Variants in RPS6KC1 observed in about 807,000 individuals in gnomAD.
The protein encoded by RPS6KC1 is inactive ribosomal protein S6 kinase delta-1.
RPS6KC1 carries 54 observed loss-of-function variants against 103.8 expected under a neutral mutation model. The observed-to-expected ratio is 0.52, with a 90% CI of 0.42 to 0.65. The LOEUF is 0.65. Ranked by LOEUF, RPS6KC1 falls within the 30% of genes least tolerant of loss-of-function variation. RPS6KC1 has a pLI of 0.00. For missense variants in RPS6KC1, 1,151 were observed against 1,253.8 expected (o/e 0.92, Z 1.24); for synonymous variants, 439 against 438.7 (o/e 1.00, Z -0.01).
intron 3 of RPS6KC1, among the ~76,000 whole-genome samples, chr1:213,094,452 T>A (rs2081274760): frequency 6.6e-6 from 1 of 152,202 alleles, no homozygotes. Context: ...GTTCTTATTT[T>A]TTTTCTTTTT....
chr1:213,705,421 G>A, the RPS6KC1 span, among the ~76,000 whole-genome samples: 2 of 152,208 alleles, frequency 1.3e-5, no homozygotes, highest in African/African-American at 4.8e-5. Context: ...CCTTTGAAGA[G>A]TACTGCTGGA....
At chr1:213,573,536 A>C in the RPS6KC1 span, among the ~76,000 whole-genome samples, 2 of 152,224 alleles carry the variant, frequency 1.3e-5, no homozygotes, top group Admixed American at 6.5e-5. Flanking sequence ...GCCATTTCAC[A>C]GTGAAAAGAA....
chr1:213,836,300 G>A, the RPS6KC1 span, among the ~76,000 whole-genome samples: 3 of 151,778 alleles, frequency 2.0e-5, no homozygotes, highest in South Asian at 6.3e-4. Context: ...TAAATATAAT[G>A]CAACCCTAAT....
chr1:213,334,214 C>A, the RPS6KC1 span, among the ~76,000 whole-genome samples: 1 of 152,226 alleles, frequency 6.6e-6, no homozygotes, highest in Non-Finnish European at 1.5e-5. Flanking sequence ...AGTCTATCAT[C>A]TTCCTGTTAT....
the RPS6KC1 span, among the ~76,000 whole-genome samples, chr1:213,583,784 G>T: frequency 1.5e-5 from 2 of 132,500 alleles, no homozygotes; most frequent in African/African-American, 5.9e-5. Flanking sequence ...TTGCACCATT[G>T]CACTCCAGCC....
At chr1:213,602,487 C>T in the RPS6KC1 span, among the ~76,000 whole-genome samples, 1 of 151,974 alleles carries the variant, frequency 6.6e-6, no homozygotes, top group Non-Finnish European at 1.5e-5. Context: ...CCTGCCTCGG[C>T]CTCCCAAAGT....
chr1:213,495,644 G>C, the RPS6KC1 span, among the ~76,000 whole-genome samples: 4 of 152,204 alleles, frequency 2.6e-5, no homozygotes, highest in African/African-American at 9.6e-5. Context: ...TTTACAGATG[G>C]GGAGCAGAAG....
chr1:213,813,083 T>C, the RPS6KC1 span, among the ~76,000 whole-genome samples: 1 of 151,964 alleles, frequency 6.6e-6, no homozygotes, highest in Non-Finnish European at 1.5e-5. Context: ...AAACCCCGTC[T>C]CTACTAAAAA....
chr1:213,115,613 T>G (rs2083503977), intron 4 of RPS6KC1, among the ~76,000 whole-genome samples: 1 of 152,124 alleles, frequency 6.6e-6, no homozygotes, highest in African/African-American at 2.4e-5. Context: ...ATGTGTTTGC[T>G]CTTGCTTTTC....
At chr1:213,533,429 G>T in the RPS6KC1 span, among the ~76,000 whole-genome samples, 1 of 152,114 alleles carries the variant, frequency 6.6e-6, no homozygotes, top group Non-Finnish European at 1.5e-5. Flanking sequence ...ATATTATTTT[G>T]TGCTATTATT....
chr1:213,586,998 C>G, the RPS6KC1 span, among the ~76,000 whole-genome samples: 2 of 152,224 alleles, frequency 1.3e-5, no homozygotes, highest in Admixed American at 6.5e-5. Context: ...TCGGGGGTGA[C>G]TCACTTCCAA....
At chr1:213,187,987 C>T (rs2092602671) in intron 8 of RPS6KC1, among the ~76,000 whole-genome samples, 1 of 151,896 alleles carries the variant, frequency 6.6e-6, no homozygotes, top group Admixed American at 6.6e-5. Context: ...TGAGAGGTCC[C>T]AAAGGGATTA....
chr1:213,160,687 C>T (rs2090379251), intron 6 of RPS6KC1, among the ~76,000 whole-genome samples: 1 of 150,976 alleles, frequency 6.6e-6, no homozygotes, highest in Admixed American at 6.6e-5. Flanking sequence ...AGGATGAGTT[C>T]ATGTCCTTTG....
chr1:213,357,217 C>T, the RPS6KC1 span, among the ~76,000 whole-genome samples: 2 of 152,104 alleles, frequency 1.3e-5, 1 homozygote. Context: ...TGTTAGGCAA[C>T]GACTCCTCAA....
At chr1:213,244,315 A>G (rs909006083) in intron 12 of RPS6KC1, among the ~76,000 whole-genome samples, 1 of 152,132 alleles carries the variant, frequency 6.6e-6, no homozygotes, top group African/African-American at 2.4e-5. Flanking sequence ...TTTAGAATCA[A>G]ACTTAATTTG....
At chr1:213,500,539 A>G in the RPS6KC1 span, among the ~76,000 whole-genome samples, 2 of 152,230 alleles carry the variant, frequency 1.3e-5, no homozygotes, top group Non-Finnish European at 2.9e-5. Flanking sequence ...ATCAAGCATT[A>G]GGTACCACAC....
At chr1:213,348,549 G>T in the RPS6KC1 span, among the ~76,000 whole-genome samples, 1 of 152,086 alleles carries the variant, frequency 6.6e-6, no homozygotes, top group Non-Finnish European at 1.5e-5. Context: ...GAGAAAATAT[G>T]CAAAAAACGT....
At chr1:213,056,861 T>C (rs1337793677) in intron 1 of RPS6KC1, among the ~76,000 whole-genome samples, 3 of 152,012 alleles carry the variant, frequency 2.0e-5, no homozygotes, top group African/African-American at 7.3e-5. Context: ...GAAGCTTTTT[T>C]TTTTTTTTTT....
intron 8 of RPS6KC1, among the ~76,000 whole-genome samples, chr1:213,181,099 A>C (rs1160426077): frequency 6.6e-6 from 1 of 152,176 alleles, no homozygotes; most frequent in Non-Finnish European, 1.5e-5. Context: ...GAAAAGGGTA[A>C]GGGGAACATT....
Sources: gnomAD v4.1 joint callset for allele counts (sites outside exome capture counted in the v4.1 genomes callset) on GRCh38, gnomAD v4.1.1 for gene constraint, MANE v1.5 for transcripts, NCBI Gene and HGNC (gene_info 2026-07-23, HGNC 2026-07-21) for gene names.